The following TPRA1 variants were observed in gnomAD, a reference collection of about 807,000 sequenced individuals.
TPRA1 encodes the protein transmembrane protein adipocyte associated 1.
A neutral mutation model predicts 40.1 loss-of-function variants in TPRA1; 28 were observed. The ratio of observed to expected loss-of-function variants is 0.70; its 90% CI spans 0.52 to 0.96. TPRA1 has a LOEUF of 0.96. Among genes scored for constraint, TPRA1 ranks in the 40% least tolerant of loss-of-function variants. The probability of loss-of-function intolerance (pLI) is 0.00; values close to 1 mark genes in which losing one functional copy is unlikely to be tolerated. For synonymous variants in TPRA1, 219 were observed against 209.7 expected (o/e 1.04, Z -0.38); for missense variants, 441 against 482.6 (o/e 0.91, Z 0.81).
intron 1 of TPRA1, among the ~76,000 whole-genome samples, chr3:127,580,973 C>CT (rs1188445910): frequency 2.0e-5 from 3 of 152,310 alleles, no homozygotes; most frequent in African/African-American, 7.2e-5. Context: ...ACATGACACT[C>CT]TGAGCATGAG....
Position 127,575,265 on chromosome 3 carries a change from G to A in TPRA1, c.774C>T (p.Cys258=). 6.2e-7 allele frequency: 1 copy of A among 1,613,774 alleles called. No individual in the cohort carries two copies. Among genetic ancestry groups the A allele is most frequent in the Non-Finnish European group, 8.5e-7 (1 of 1,179,806 alleles). The stretch of plus-strand genomic sequence containing the variant: ...ACAGGAAGGTTGTGGCATCTACACA[G>A]CTGCGGAGAAGGCGGGTCAGCGCGG... ...LLCFDIIEGL[C]CVDATTFLYF... Residue 258 remains cysteine (C), a splice_region_variant and synonymous_variant, in exon 10 of 11, where the codon TGC becomes TGT. Coordinates refer to ENST00000355552, the MANE Select transcript of TPRA1 (RefSeq NM_001136053.4).
chr3:127,595,600 C>T, upstream of TPRA1: 1 of 152,366 alleles, frequency 6.6e-6, no homozygotes, highest in East Asian at 1.9e-4. Context: ...CTGCTCTCTT[C>T]AGTGGCCTTT....
At chr3:127,581,503 G>A (rs748420137) in intron 1 of TPRA1, among the ~76,000 whole-genome samples, 4 of 152,222 alleles carry the variant, frequency 2.6e-5, no homozygotes, top group Non-Finnish European at 5.9e-5. Flanking sequence ...GCCTGCCAGC[G>A]TCTGGGTGTC....
intron 1 of TPRA1, among the ~76,000 whole-genome samples, chr3:127,584,380 A>T (rs1211998330): frequency 1.4e-5 from 2 of 140,764 alleles, no homozygotes; most frequent in Admixed American, 1.5e-4. Context: ...AGCTCCAGGC[A>T]GCAGGCAGCA....
chr3:127,574,382 C>A (rs979644371), intron 10 of TPRA1, among the ~76,000 whole-genome samples: 4 of 152,224 alleles, frequency 2.6e-5, no homozygotes, highest in Admixed American at 2.6e-4. Context: ...AAAGGGGGGA[C>A]AAAACACCCA....
chr3:127,586,135 G>A (rs1301410476), intron 1 of TPRA1, among the ~76,000 whole-genome samples: 2 of 152,198 alleles, frequency 1.3e-5, no homozygotes, highest in Non-Finnish European at 2.9e-5. Flanking sequence ...GTGCCTGTGT[G>A]GGGTGTCCAG....
Position 127,572,891 on chromosome 3 carries a change from AGCGG to A in TPRA1, c.*626_*629del, listed in dbSNP as rs1232104182. ...CTCAGATGGGCCCAGGGGCAGGGGC[AGCGG>A]CAGCTGGGATCCTGTTTCTCTTCAC... On this transcript the variant is annotated 3_prime_UTR_variant, in exon 11 of 11. Coordinates refer to ENST00000355552, the MANE Select transcript of TPRA1 (RefSeq NM_001136053.4). Among the ~76,000 whole-genome samples, 1 of 152,130 alleles carries A rather than the reference AGCGG, an allele frequency of 6.6e-6. No individual in the cohort carries two copies. Among genetic ancestry groups the A allele is most frequent in the Admixed American group, 6.5e-5 (1 of 15,284 alleles).
chr3:127,575,144 C>T (rs751565295), intron 10 of TPRA1, 41 bp downstream of exon 10: 1 of 1,602,264 alleles, frequency 6.2e-7, no homozygotes, highest in South Asian at 1.1e-5. Context: ...GGCGCAGTTC[C>T]GCCGGCAGCC....
In TPRA1 at chr3:127,579,425, G is replaced by A. The variant is rs75033990; in HGVS notation, c.258+315C>T. ...CAGTGCTTGGCTCAGGGATGAGGAT[G>A]GGATCCTAGGTGGGCCAGTCAGAGG... On this transcript the variant is annotated intron_variant, in intron 3 of 10. Transcript: ENST00000355552. 7.4e-3 allele frequency among the ~76,000 whole-genome samples: 1,134 copies of A among 152,264 alleles called. 14 individuals carry two copies. Among genetic ancestry groups the A allele is most frequent in the African/African-American group, 0.023 (969 of 41,542 alleles).
rs2073640117 is a variant in TPRA1 at position 127,576,655 on chromosome 3, T to C, written c.460A>G (p.Ile154Val). 6.2e-7 allele frequency: 1 copy of C among 1,610,920 alleles called. No homozygotes were observed. ...TAGGCCAGGGACAGCACTGTGGTGA[T>C]GGCCAGCACCCGCTTGATGCTGGAC... is the stretch of plus-strand genomic sequence containing the variant. ...SKSSIKRVLA[I>V]TTVLSLAYSV... Residue 154 changes from isoleucine (I) to valine (V), a missense_variant, in exon 6 of 11, where the codon ATC (isoleucine) becomes GTC (valine). Coordinates refer to ENST00000355552, the MANE Select transcript of TPRA1 (RefSeq NM_001136053.4). This position sits in a 1 kb window ranked among gnomAD's most constrained non-coding sequence, Gnocchi z 4.6.
rs953816820 is a variant in TPRA1, at chr3:127,574,917, CGT to C, written c.854+266_854+267del. On this transcript the variant is annotated intron_variant, in intron 10 of 10. Coordinates refer to ENST00000355552, the MANE Select transcript of TPRA1 (RefSeq NM_001136053.4). ...ATATGCCCGTGTGTATCCGTATGTG[CGT>C]GTTTGTGTGTGCATGTGCATGTGTG... 1.1e-4 allele frequency: 57 copies of C among 524,570 alleles called. No individual in the cohort carries two copies. In the Middle Eastern group the frequency reaches 1.6e-3, roughly 15 times the overall value. 32.5% of individuals were successfully genotyped at this position (524,570 alleles called of 1,614,324 possible).
chr3:127,575,304 C>CA, intron 9 of TPRA1, 39 bp from the exon 10 acceptor site: 5 of 1,603,246 alleles, frequency 3.1e-6, no homozygotes, highest in Non-Finnish European at 4.3e-6. Flanking sequence ...CTCCTAGCCC[C>CA]ATGCTGACTC....
intron 10 of TPRA1, among the ~76,000 whole-genome samples, chr3:127,574,081 C>T (rs1445519765): frequency 1.3e-5 from 2 of 152,210 alleles, no homozygotes; most frequent in Non-Finnish European, 2.9e-5. Flanking sequence ...AATCATGAGG[C>T]TTCAACAGTG....
chr3:127,576,063 G>A lies in TPRA1; in HGVS notation c.499-13C>T, dbSNP rs2073611817. On this transcript the variant is annotated splice_polypyrimidine_tract_variant and intron_variant, in intron 6 of 10. Transcript: ENST00000355552. The surrounding 1 kb of genome is among the most constrained non-coding windows in gnomAD (Gnocchi z 4.6). Reference sequence around the variant, plus strand: ...TCTCCAGGGTCCCCTGCAGGGGCAAGCAGGAAGGGAGGAAGGGAGAGGATC... The same window carrying A: ...TCTCCAGGGTCCCCTGCAGGGGCAAACAGGAAGGGAGGAAGGGAGAGGATC... 1 of 1,598,714 alleles carries A rather than the reference G, an allele frequency of 6.3e-7. No homozygotes were observed. The highest frequency in any genetic ancestry group is 1.1e-5 in the South Asian group (1 of 90,696).
In TPRA1 at chr3:127,576,679, A is replaced by T. The variant is rs748052902; in HGVS notation, c.436T>A (p.Ser146Thr). The change falls in exon 6 of 11, where the codon TCC becomes ACC. Residue 146 changes from serine to threonine, a missense_variant. Coordinates refer to ENST00000355552, the MANE Select transcript of TPRA1 (RefSeq NM_001136053.4). This position sits in a 1 kb window ranked among gnomAD's most constrained non-coding sequence, Gnocchi z 4.6. Reference sequence around the variant, plus strand: ...ATGGCCAGCACCCGCTTGATGCTGGACTTACTCTCCAGGTGGCCTGGAAGA... The same window carrying T: ...ATGGCCAGCACCCGCTTGATGCTGGTCTTACTCTCCAGGTGGCCTGGAAGA... ...GLAFGHLESK[S>T]SIKRVLAITT... The T allele has an allele frequency of 2.5e-6, 4 of 1,610,730 alleles. No individual in the cohort carries two copies. The highest frequency in any genetic ancestry group is 1.3e-5 in the African/African-American group (1 of 74,798).
Position 127,575,182 on chromosome 3 carries a change from C to T in TPRA1, c.854+3G>A, listed in dbSNP as rs772460521. The T allele has an allele frequency of 1.2e-5, 20 of 1,613,632 alleles. No individual in the cohort carries two copies. The highest frequency in any genetic ancestry group is 1.7e-4 in the Middle Eastern group (1 of 6,060). On this transcript the variant is annotated splice_donor_region_variant and intron_variant, in intron 10 of 10. Coordinates refer to ENST00000355552, the MANE Select transcript of TPRA1 (RefSeq NM_001136053.4). ...GCGGGGGCGCCGGCGGCCACAGACT[C>T]ACCCGAAGAAGCCCCGGAGGAAAGC...
chr3:127,595,454 G>A (rs888274247), upstream of TPRA1: 1 of 152,324 alleles, frequency 6.6e-6, no homozygotes, highest in Non-Finnish European at 1.5e-5. Flanking sequence ...CATCCTACCT[G>A]TCAACACACT....
chr3:127,585,137 A>C (rs767781528), intron 1 of TPRA1, among the ~76,000 whole-genome samples: 6 of 152,208 alleles, frequency 3.9e-5, no homozygotes, highest in Non-Finnish European at 8.8e-5. Flanking sequence ...AATCCCAATG[A>C]ATATAAAGGT....
chr3:127,592,311 T>C (rs1017283739), upstream of TPRA1, among the ~76,000 whole-genome samples: 4 of 151,670 alleles, frequency 2.6e-5, no homozygotes, highest in Admixed American at 6.6e-5. Context: ...CTTGTATCGG[T>C]TCGAACCCTG....
Sources: gnomAD v4.1 joint callset for allele counts (sites outside exome capture counted in the v4.1 genomes callset) on GRCh38, gnomAD v4.1.1 for gene constraint, Gnocchi (gnomAD v3.1) non-coding constraint, MANE v1.5 for transcripts, NCBI Gene and HGNC (gene_info 2026-07-23, HGNC 2026-07-21) for gene names.